PI4KA: variants seen among roughly 807,000 people sequenced by gnomAD.
The protein encoded by PI4KA is PI4-kinase alpha.
Under a neutral mutation model 271.4 loss-of-function variants are expected in PI4KA, and 122 were observed. That is an observed-to-expected ratio of 0.45 (90% CI 0.39 to 0.52). The LOEUF (loss-of-function observed/expected upper bound fraction) is 0.52. Among genes scored for constraint, PI4KA ranks in the 20% least tolerant of loss-of-function variants. PI4KA has a pLI of 0.00. For synonymous variants in PI4KA, 1,041 were observed against 1,078.8 expected, an observed-to-expected ratio of 0.96 and a Z score of 0.69; for missense variants, 1,969 against 2,769.1, an observed-to-expected ratio of 0.71 and a Z score of 6.48.
intron 32 of PI4KA, among the ~76,000 whole-genome samples, chr22:20,735,057 G>A (rs1379168697): frequency 1.3e-5 from 2 of 152,108 alleles, no homozygotes; most frequent in East Asian, 3.9e-4. Flanking sequence ...AGGCGAGCCT[G>A]CAGCCACCAT....
At chr22:20,763,406 G>A (rs564153895) in intron 22 of PI4KA, among the ~76,000 whole-genome samples, 6 of 151,096 alleles carry the variant, frequency 4.0e-5, no homozygotes, top group South Asian at 2.1e-4. Context: ...CACTGCAACC[G>A]GCCGTGCCTA....
intron 19 of PI4KA, among the ~76,000 whole-genome samples, chr22:20,771,546 T>C (rs1569013143): frequency 6.6e-6 from 1 of 151,436 alleles, no homozygotes; most frequent in Non-Finnish European, 1.5e-5. Context: ...GAAATCCAAA[T>C]AGACAGGAAA....
intron 32 of PI4KA, among the ~76,000 whole-genome samples, chr22:20,742,017 C>T (rs548646390): frequency 2.4e-4 from 36 of 152,198 alleles, no homozygotes; most frequent in Non-Finnish European, 4.4e-4. Context: ...TGGGAGATAA[C>T]GGCTTCTAGG....
At chr22:20,736,293 C>G (rs1266754441) in intron 32 of PI4KA, 1 of 151,320 alleles carries the variant, frequency 6.6e-6, no homozygotes, top group African/African-American at 2.4e-5. Context: ...TGCTGAGAAT[C>G]ATCCGTGGGA....
rs183215767 is a variant in PI4KA, at chr22:20,845,732, G to A, written c.157-7001C>T. 6.6e-5 allele frequency among the ~76,000 whole-genome samples: 10 copies of A among 152,312 alleles called. No homozygotes were observed. The East Asian group carries it at 1.9e-3, about 29-fold the overall frequency. ...ATGCGCTTTTGAGCTGAGCGCGGTG[G>A]GAAGTGCCTGTAATCCCAGCTGCTT... On this transcript the variant is annotated intron_variant, in intron 1 of 54. Coordinates refer to ENST00000255882, the MANE Select transcript of PI4KA (RefSeq NM_058004.4).
chr22:20,818,827 A>T (rs989190788), intron 6 of PI4KA, among the ~76,000 whole-genome samples: 2 of 152,164 alleles, frequency 1.3e-5, no homozygotes, highest in Non-Finnish European at 2.9e-5. Context: ...TCAATTATAT[A>T]CTTCTTAAGG....
At chr22:20,812,148 C>T (rs2147655475) in intron 8 of PI4KA, among the ~76,000 whole-genome samples, 1 of 152,026 alleles carries the variant, frequency 6.6e-6, no homozygotes, top group East Asian at 1.9e-4. Flanking sequence ...GTACTGGGAA[C>T]AGCCATCTGT....
chr22:20,823,423 T>C (rs1569074814), intron 4 of PI4KA, among the ~76,000 whole-genome samples: 1 of 152,158 alleles, frequency 6.6e-6, no homozygotes, highest in Non-Finnish European at 1.5e-5. Flanking sequence ...TGGGAACATT[T>C]AGAATGCAGA....
rs1569087368 is a variant in PI4KA at position 20,836,089 on chromosome 22, A to AAAACAAAAC, written c.274-1435_274-1434insGTTTTGTTT. 1.6e-3 allele frequency among the ~76,000 whole-genome samples: 149 copies of AAAACAAAAC among 95,228 alleles called. 2 individuals are homozygous for AAAACAAAAC. The highest frequency in any genetic ancestry group is 0.012 in the East Asian group (37 of 3,082). 62.5% of individuals were successfully genotyped at this position (95,228 alleles called of 152,430 possible). The stretch of plus-strand genomic sequence containing the variant: ...CAAAACAAAACAAAACAAAACAAAA[A>AAAACAAAAC]ACAACAAAAAAACATGGCAGAAGGC... On this transcript the variant is annotated intron_variant, in intron 2 of 54. Transcript: ENST00000255882.
intron 1 of PI4KA, among the ~76,000 whole-genome samples, chr22:20,850,226 A>C (rs1187729498): frequency 6.6e-6 from 1 of 152,060 alleles, no homozygotes; most frequent in Non-Finnish European, 1.5e-5. Context: ...ACATTCCCTA[A>C]AGTAACACAA....
intron 19 of PI4KA, chr22:20,787,041 G>C: frequency 6.2e-7 from 1 of 1,614,096 alleles, no homozygotes; most frequent in Non-Finnish European, 8.5e-7. Context: ...TTCATGGGAA[G>C]AGTGGCCAAC....
chr22:20,799,763 G>A lies in PI4KA; in HGVS notation c.1728C>T (p.Cys576=). 3 of 1,549,628 alleles carry A rather than the reference G, an allele frequency of 1.9e-6. No homozygotes were observed. Among genetic ancestry groups the A allele is most frequent in the Non-Finnish European group, 2.6e-6 (3 of 1,145,516 alleles). ...RDIAIDNICR[C]LKAGLTVDPV... is the part of the protein sequence containing the mutation. ...GGTCCACCGTCAATCCAGCCTTCAG[G>A]CACCTGAGGAGCAAGAAAACCCATG... Residue 576 remains cysteine (C), a synonymous_variant, in exon 15 of 55, where the codon TGC becomes TGT. Coordinates refer to ENST00000255882, the MANE Select transcript of PI4KA (RefSeq NM_058004.4).
chr22:20,804,897 G>A, intron 11 of PI4KA, 77 bp downstream of exon 11: 1 of 1,220,284 alleles, frequency 8.2e-7, no homozygotes, highest in East Asian at 2.3e-5. Context: ...TCTAGAAGTA[G>A]TTTGGGGAAA....
chr22:20,720,280 AC>A (rs975913139), intron 43 of PI4KA, among the ~76,000 whole-genome samples: 2 of 152,032 alleles, frequency 1.3e-5, no homozygotes, highest in Non-Finnish European at 2.9e-5. Flanking sequence ...ACTGCAATTA[AC>A]CTTTTTTTTG....
intron 18 of PI4KA, among the ~76,000 whole-genome samples, chr22:20,794,442 T>G (rs1934858138): frequency 6.6e-6 from 1 of 152,118 alleles, no homozygotes; most frequent in African/African-American, 2.4e-5. Flanking sequence ...CACACTTCTC[T>G]CCTGTGCACT....
intron 1 of PI4KA, among the ~76,000 whole-genome samples, chr22:20,854,093 A>G (rs1422958713): frequency 6.6e-6 from 1 of 152,118 alleles, no homozygotes; most frequent in African/African-American, 2.4e-5. Flanking sequence ...ACCAAGGAGC[A>G]GCAGGAGCTC....
intron 39 of PI4KA, among the ~76,000 whole-genome samples, chr22:20,728,065 T>C (rs764747466): frequency 2.6e-5 from 4 of 152,206 alleles, no homozygotes; most frequent in Admixed American, 2.0e-4. Context: ...CAGCCAATAA[T>C]AACTTAATTG....
rs774924812 is a variant in PI4KA at position 20,807,420 on chromosome 22, A to G, written c.1110T>C (p.Ser370=). ...PSADLYYTSF[S]DPLYLTMFKM... ...TGAACATGGTCAGGTAGAGAGGGTCACTGAAGGAAGTGTAGTAGAGATCAG... is the reference window on the plus strand; with the variant it reads ...TGAACATGGTCAGGTAGAGAGGGTCGCTGAAGGAAGTGTAGTAGAGATCAG... The change falls in exon 10 of 55, where the codon AGT becomes AGC. Residue 370 remains serine (S), a synonymous_variant. Transcript: ENST00000255882. The G allele has an allele frequency of 4.3e-6, 7 of 1,613,592 alleles. No individual in the cohort carries two copies. The highest frequency in any genetic ancestry group is 1.7e-5 in the Admixed American group (1 of 60,022).
chr22:20,720,784 T>C (rs1433028374), intron 43 of PI4KA, among the ~76,000 whole-genome samples: 1 of 152,172 alleles, frequency 6.6e-6, no homozygotes, highest in African/African-American at 2.4e-5. Context: ...GAAAGTTATT[T>C]TCCCAAAAAG....
Sources: allele counts gnomAD v4.1 joint callset (sites outside exome capture counted in the v4.1 genomes callset), GRCh38; gene constraint gnomAD v4.1.1; transcripts MANE v1.5; gene names NCBI Gene and HGNC (gene_info 2026-07-23, HGNC 2026-07-21).